PRH1: variants seen among roughly 807,000 people sequenced by gnomAD.
The protein encoded by PRH1 is proline rich protein HaeIII subfamily 1.
A neutral mutation model predicts 7.9 loss-of-function variants in PRH1; 7 were observed. The observed-to-expected ratio is 0.89, with a 90% CI of 0.50 to 1.67. PRH1 has a LOEUF of 1.67. Ranked by LOEUF, PRH1 falls within the 40% of genes most tolerant of loss-of-function variation. The pLI is 0.00. For synonymous variants in PRH1, 45 were observed against 80.8 expected (o/e 0.56, Z 2.38); for missense variants, 109 against 223.6 (o/e 0.49, Z 3.27).
chr12:10,887,506 C>A, upstream of PRH1, among the ~76,000 whole-genome samples: 1 of 149,126 alleles, frequency 6.7e-6, no homozygotes, highest in Non-Finnish European at 1.5e-5. Flanking sequence ...ATATATTTCA[C>A]AATTAATTTA....
intron 2 of PRH1, chr12:10,929,155 G>C (rs1950165247): frequency 7.8e-7 from 1 of 1,281,546 alleles, no homozygotes; most frequent in African/African-American, 1.5e-5. Flanking sequence ...AGTCTCTGAG[G>C]CGAGGAGGCC....
chr12:10,908,386 C>T (rs1296951499), intron 2 of PRH1: 1 of 1,603,272 alleles, frequency 6.2e-7, no homozygotes, highest in Non-Finnish European at 8.5e-7. Flanking sequence ...TTGTGAGTTT[C>T]TCATCGTTTA....
At chr12:11,142,161 A>G (rs972539029) in intron 1 of PRH1, among the ~76,000 whole-genome samples, 4 of 152,196 alleles carry the variant, frequency 2.6e-5, no homozygotes, top group African/African-American at 9.6e-5. Flanking sequence ...AACAACTAGG[A>G]TAAAAGAAAC....
At chr12:11,024,162 G>T (rs12371085) in intron 1 of PRH1, among the ~76,000 whole-genome samples, 30,809 of 151,400 alleles carry the variant, frequency 0.2, 3,114 homozygotes, top group Non-Finnish European at 0.26. Context: ...TACAAATAGT[G>T]GATTTTTCCC....
rs529317731 is a variant in PRH1 at position 11,110,856 on chromosome 12, C to G, written n.123+60566G>C. Among the ~76,000 whole-genome samples, 8 of 152,074 alleles carry G rather than the reference C, an allele frequency of 5.3e-5. No individual in the cohort carries two copies. In the East Asian group the frequency reaches 1.5e-3, roughly 29 times the overall value. On this transcript the variant is annotated intron_variant and non_coding_transcript_variant, in intron 1 of 4. Coordinates refer to the PRH1 transcript ENST00000541977. The stretch of plus-strand genomic sequence containing the variant: ...AATACCCCAATTAAAAGGCACAGAC[C>G]AGCAAATTGAATAGAGTCAAGACCC...
At chr12:11,087,870 C>T (rs1349524063) in intron 1 of PRH1, among the ~76,000 whole-genome samples, 3 of 115,772 alleles carry the variant, frequency 2.6e-5, no homozygotes, top group Non-Finnish European at 4.1e-5. Flanking sequence ...GTACTTTTTA[C>T]CGGGCTTGTG....
chr12:11,072,254 C>G (rs78401330), intron 1 of PRH1, among the ~76,000 whole-genome samples: 1 of 14,868 alleles, frequency 6.7e-5, no homozygotes, highest in African/African-American at 8.2e-5. Flanking sequence ...ACCAAAGTTC[C>G]GGGATTGCAA....
At chr12:10,973,562 A>G (rs1195709864) in intron 2 of PRH1, 1 of 683,864 alleles carries the variant, frequency 1.5e-6, no homozygotes, top group African/African-American at 1.8e-5. Flanking sequence ...CTACTTGTAT[A>G]ACTGCTTGCA....
At chr12:11,137,707 T>C (rs969446127) in intron 1 of PRH1, among the ~76,000 whole-genome samples, 29 of 152,210 alleles carry the variant, frequency 1.9e-4, no homozygotes, top group Non-Finnish European at 1.5e-5. Context: ...TCTAAGTGTA[T>C]TGAGCTTGAC....
intron 2 of PRH1, chr12:10,937,467 T>C (rs909177302): frequency 6.6e-6 from 1 of 152,048 alleles, no homozygotes; most frequent in Non-Finnish European, 1.5e-5. Flanking sequence ...GAAACAAATA[T>C]TCTCCCTGAA....
At chr12:11,048,781 T>A (rs1943017470), upstream of PRH1, 2 of 299,104 alleles carry the variant, frequency 6.7e-6, no homozygotes, top group Admixed American at 7.6e-5. Flanking sequence ...CAAATTTCCT[T>A]CATATTCTTT....
In PRH1 at chr12:11,027,993, T is replaced by C. The variant is rs1029042355; in HGVS notation, c.-126+19027A>G. On this transcript the variant is annotated intron_variant, in intron 1 of 3. Coordinates refer to the PRH1 transcript ENST00000539853. ...TAAAGCCAGCCATGACTGGAGGGTA[T>C]GAGCACGCCTCAGTGGCACAAGGAG... Among the ~76,000 whole-genome samples, 42 of 152,324 alleles carry C rather than the reference T, an allele frequency of 2.8e-4. 1 individual carries two copies. Among genetic ancestry groups the C allele is most frequent in the Admixed American group, 2.3e-3 (35 of 15,302 alleles).
chr12:11,107,985 G>A (rs1945477019), intron 1 of PRH1, among the ~76,000 whole-genome samples: 1 of 152,052 alleles, frequency 6.6e-6, no homozygotes, highest in South Asian at 2.1e-4. Context: ...AAGGCCAGGA[G>A]AGAGTGGTAT....
At chr12:10,911,858 C>T (rs575303800) in intron 2 of PRH1, among the ~76,000 whole-genome samples, 63 of 152,184 alleles carry the variant, frequency 4.1e-4, no homozygotes, top group African/African-American at 1.4e-3. Flanking sequence ...TTTGTAAACC[C>T]CATAACACCT....
At position 10,972,535 on chromosome 12, in the gene PRH1, C is replaced by T. The variant is rs138297683; in HGVS notation, c.-59+1120G>A. Among the ~76,000 whole-genome samples, 704 of 152,090 alleles carry T rather than the reference C, an allele frequency of 4.6e-3. 6 individuals are homozygous for T. Among genetic ancestry groups the T allele is most frequent in the African/African-American group, 0.016 (679 of 41,512 alleles). ...ATTTGAATAAAATTTTTCATAATGA[C>T]GTTGAAGTAAAAGCTGATTTTTCAC... On this transcript the variant is annotated intron_variant, in intron 2 of 3. Transcript: ENST00000539853.
chr12:11,121,605 T>C (rs1030824920), intron 1 of PRH1, among the ~76,000 whole-genome samples: 9 of 152,238 alleles, frequency 5.9e-5, no homozygotes, highest in Non-Finnish European at 1.3e-4. Flanking sequence ...ATTATGTTTC[T>C]TCATTCCTAT....
In PRH1 at chr12:10,994,156, C is replaced by G. The variant is rs116629275; in HGVS notation, c.-125-20435G>C. 4.1e-3 allele frequency among the ~76,000 whole-genome samples: 623 copies of G among 152,304 alleles called. 4 individuals are homozygous for G. Among genetic ancestry groups the G allele is most frequent in the African/African-American group, 0.014 (602 of 41,564 alleles). On this transcript the variant is annotated intron_variant, in intron 1 of 3. Coordinates refer to the PRH1 transcript ENST00000539853. ...TTCCTCAGATTTACTTGACTGTCTC[C>G]TATTCCCCTGGTCAGCACCTTGCCT...
intron 1 of PRH1, among the ~76,000 whole-genome samples, chr12:11,025,502 G>A (rs575269712): frequency 5.3e-5 from 8 of 152,326 alleles, no homozygotes; most frequent in South Asian, 2.1e-4. Context: ...GGTCTTTTGC[G>A]TCCTGTATTA....
chr12:11,020,673 T>C (rs1367384571), intron 1 of PRH1, among the ~76,000 whole-genome samples: 2 of 151,686 alleles, frequency 1.3e-5, no homozygotes, highest in African/African-American at 2.4e-5. Context: ...TTTTATGTAA[T>C]TTTTACATAA....
Sources: gnomAD v4.1 joint callset for allele counts (sites outside exome capture counted in the v4.1 genomes callset) on GRCh38, gnomAD v4.1.1 for gene constraint, MANE v1.5 for transcripts, NCBI Gene and HGNC (gene_info 2026-07-23, HGNC 2026-07-21) for gene names.